The following DNAJB6 variants were observed in gnomAD, a reference collection of about 807,000 sequenced individuals.
The protein encoded by DNAJB6 is DnaJ heat shock protein family (Hsp40) member B6, also known as dnaJ homolog subfamily B member 6.
Under a neutral mutation model 42.7 loss-of-function variants are expected in DNAJB6, and 16 were observed. The ratio of observed to expected loss-of-function variants is 0.37; its 90% CI spans 0.25 to 0.57. DNAJB6 has a LOEUF of 0.57. Ranked by LOEUF, DNAJB6 falls within the 20% of genes least tolerant of loss-of-function variation. DNAJB6 has a pLI of 0.74. For missense variants in DNAJB6, 347 were observed against 416.8 expected, an observed-to-expected ratio of 0.83 and a Z score of 1.46; for synonymous variants, 170 against 163.5, an observed-to-expected ratio of 1.04 and a Z score of -0.30.
intron 1 of DNAJB6, among the ~76,000 whole-genome samples, chr7:157,344,484 G>T (rs939525997): frequency 2.6e-5 from 4 of 151,644 alleles, no homozygotes; most frequent in African/African-American, 9.7e-5. Context: ...CTGCACTCCA[G>T]CCTGGGCAAC....
At chr7:157,340,362 G>C (rs1412798865) in intron 1 of DNAJB6, among the ~76,000 whole-genome samples, 1 of 152,128 alleles carries the variant, frequency 6.6e-6, no homozygotes, top group Non-Finnish European at 1.5e-5. Flanking sequence ...GCAGGATTTA[G>C]CAAATGGTGT....
intron 1 of DNAJB6, among the ~76,000 whole-genome samples, chr7:157,352,170 A>C (rs1020399044): frequency 3.3e-5 from 5 of 151,988 alleles, no homozygotes; most frequent in African/African-American, 1.2e-4. Context: ...CCCTACTAAA[A>C]ATAGAAAAAT....
At chr7:157,340,998 G>GTGCGCGCGCGCGCGCGCGCT (rs67210462) in intron 1 of DNAJB6, among the ~76,000 whole-genome samples, 165 of 135,032 alleles carry the variant, frequency 1.2e-3, no homozygotes, top group Non-Finnish European at 2.1e-3. Context: ...GTGTGTGTGT[G>GTGCGCGCGCGCGCGCGCGCT]CGCGCGCGCA....
intron 1 of DNAJB6, among the ~76,000 whole-genome samples, chr7:157,348,227 G>A (rs1798787412): frequency 6.6e-6 from 1 of 151,696 alleles, no homozygotes; most frequent in African/African-American, 2.4e-5. Flanking sequence ...TGAGTAGCTG[G>A]GATTACAGGC....
intron 7 of DNAJB6, 61 bp from the exon 8 acceptor site, chr7:157,385,480 T>A: frequency 6.4e-7 from 1 of 1,551,058 alleles, no homozygotes; most frequent in African/African-American, 1.4e-5. Context: ...AACAACTTAG[T>A]TACCCTCACA....
chr7:157,343,162 ATT>A lies in DNAJB6; in HGVS notation c.-27+6033_-27+6034del, dbSNP rs35208783. ...AGATGTGCACCACCACACCCAGGTA[ATT>A]TTTTTTTTTTTTTTAAGACAGAGTC... On this transcript the variant is annotated intron_variant, in intron 1 of 9. Coordinates refer to ENST00000262177, the MANE Select transcript of DNAJB6 (RefSeq NM_058246.4). Among the ~76,000 whole-genome samples, 952 of 145,354 alleles carry A rather than the reference ATT, an allele frequency of 6.5e-3. 7 individuals are homozygous for A. The highest frequency in any genetic ancestry group is 0.019 in the African/African-American group (751 of 39,358).
chr7:157,396,192 G>T (rs1215317067), intron 8 of DNAJB6, among the ~76,000 whole-genome samples: 2 of 151,656 alleles, frequency 1.3e-5, no homozygotes, highest in Non-Finnish European at 2.9e-5. Flanking sequence ...CAGGCAATCT[G>T]CCCGCTTCAG....
At chr7:157,347,748 T>C (rs923379001) in intron 1 of DNAJB6, among the ~76,000 whole-genome samples, 16 of 152,224 alleles carry the variant, frequency 1.1e-4, no homozygotes, top group African/African-American at 3.9e-4. Flanking sequence ...ATGATTAGCA[T>C]GTCACGTTTA....
At chr7:157,345,438 C>T (rs977355323) in intron 1 of DNAJB6, among the ~76,000 whole-genome samples, 1 of 152,138 alleles carries the variant, frequency 6.6e-6, no homozygotes, top group Non-Finnish European at 1.5e-5. Context: ...TTTCAGCCTC[C>T]TGCATAGCTG....
chr7:157,358,678 G>T (rs1438124256), intron 2 of DNAJB6, 41 bp downstream of exon 2: 1 of 1,474,546 alleles, frequency 6.8e-7, no homozygotes, highest in Non-Finnish European at 9.5e-7. Flanking sequence ...TTTCACAGTG[G>T]TACATTGGTA....
chr7:157,387,723 C>T (rs190960439), intron 8 of DNAJB6, among the ~76,000 whole-genome samples: 3 of 152,328 alleles, frequency 2.0e-5, no homozygotes, highest in African/African-American at 4.8e-5. Context: ...GAACAGTTTA[C>T]TCAACATGGT....
At chr7:157,345,321 T>C (rs1231190829) in intron 1 of DNAJB6, among the ~76,000 whole-genome samples, 1 of 152,080 alleles carries the variant, frequency 6.6e-6, no homozygotes, top group Non-Finnish European at 1.5e-5. Flanking sequence ...ATATATTTTG[T>C]TTTTTTCTGA....
intron 5 of DNAJB6, chr7:157,378,108 A>T (rs911854625): frequency 2.0e-5 from 3 of 152,224 alleles, no homozygotes; most frequent in African/African-American, 4.8e-5. Context: ...GTCACAAAAT[A>T]AGGAGGAAAT....
At chr7:157,350,698 AT>A (rs11383046) in intron 1 of DNAJB6, among the ~76,000 whole-genome samples, 9 of 147,572 alleles carry the variant, frequency 6.1e-5, no homozygotes, top group African/African-American at 2.3e-4. Context: ...TTTTTTTTTT[AT>A]TTTTTTTTGA....
At chr7:157,402,148 A>G (rs1795543836) in intron 8 of DNAJB6, among the ~76,000 whole-genome samples, 1 of 152,142 alleles carries the variant, frequency 6.6e-6, no homozygotes, top group Non-Finnish European at 1.5e-5. Flanking sequence ...TTTTATAGAG[A>G]TGGGGTCTCC....
At chr7:157,408,867 G>T (rs556520209) in intron 8 of DNAJB6, among the ~76,000 whole-genome samples, 8 of 152,246 alleles carry the variant, frequency 5.3e-5, no homozygotes, top group Admixed American at 3.3e-4. Context: ...TGCCACGGGA[G>T]GGGTCTGCCT....
chr7:157,350,005 T>G (rs1372825423), intron 1 of DNAJB6, among the ~76,000 whole-genome samples: 1 of 152,192 alleles, frequency 6.6e-6, no homozygotes, highest in Non-Finnish European at 1.5e-5. Flanking sequence ...TCCAGGCTGG[T>G]CTTGAGCTCC....
In DNAJB6 at chr7:157,384,911, T is replaced by C; in HGVS notation, c.523T>C (p.Phe175Leu). 1.2e-6 allele frequency: 2 copies of C among 1,613,664 alleles called. No homozygotes were observed. Among genetic ancestry groups the C allele is most frequent in the East Asian group, 2.2e-5 (1 of 44,888 alleles). ...ACTAGGTCACGGGGGCCTCACTTCATTCTCTTCCACGTCATTTGGTGGTAG... is the reference window on the plus strand; with the variant it reads ...ACTAGGTCACGGGGGCCTCACTTCACTCTCTTCCACGTCATTTGGTGGTAG... ...GSLGHGGLTS[F>L]SSTSFGGSGM... The change falls in exon 7 of 10, where the codon TTC becomes CTC. Residue 175 changes from phenylalanine to leucine, a missense_variant. By Grantham distance (22) the Phe-to-Leu change is conservative (BLOSUM62 0). Around this residue, in one of 3 missense-constraint regions of DNAJB6, gnomAD observed 264 missense variants for 288.0 expected, o/e 0.92. Transcript: ENST00000262177.
At chr7:157,402,769 A>T (rs1388795135) in intron 8 of DNAJB6, among the ~76,000 whole-genome samples, 1 of 152,054 alleles carries the variant, frequency 6.6e-6, no homozygotes, top group Non-Finnish European at 1.5e-5. Context: ...AAAGTAAGCC[A>T]CTCTTTGGCC....
Sources: allele counts gnomAD v4.1 joint callset (sites outside exome capture counted in the v4.1 genomes callset), GRCh38; gene constraint gnomAD v4.1.1; regional missense constraint gnomAD v4.1.1; transcripts MANE v1.5; gene names NCBI Gene and HGNC (gene_info 2026-07-23, HGNC 2026-07-21).